ARHGEF7: variants seen among roughly 807,000 people sequenced by gnomAD.
ARHGEF7 encodes the protein PAK-interacting exchange factor beta.
A neutral mutation model predicts 109.8 loss-of-function variants in ARHGEF7; 33 were observed. That is an observed-to-expected ratio of 0.30 (90% CI 0.23 to 0.40). ARHGEF7 has a LOEUF of 0.40. Ranked by LOEUF, ARHGEF7 falls within the 10% of genes least tolerant of loss-of-function variation. The pLI is 1.00. For synonymous variants in ARHGEF7, 458 were observed against 424.6 expected, an observed-to-expected ratio of 1.08 and a Z score of -0.97; for missense variants, 938 against 1,098.5, an observed-to-expected ratio of 0.85 and a Z score of 2.07.
chr13:111,294,730 T>A, intron 19 of ARHGEF7: 1 of 985,508 alleles, frequency 1.0e-6, no homozygotes, highest in Non-Finnish European at 1.2e-6. Flanking sequence ...TCAGTCATGC[T>A]GATAATAGAA....
chr13:111,283,128 G>A lies in ARHGEF7; in HGVS notation c.1726-11G>A. ...ATGTTCTCTGCCCTTCCCGCTCTGT[G>A]CCCTTGGCAGCTCCCCTCCCACCCG... On this transcript the variant is annotated splice_polypyrimidine_tract_variant and intron_variant, in intron 15 of 21. Transcript: ENST00000646102. 6.4e-7 allele frequency: 1 copy of A among 1,574,426 alleles called. No homozygotes were observed. The highest frequency in any genetic ancestry group is 1.2e-5 in the South Asian group (1 of 85,780).
chr13:111,221,574 C>CATATCTATATATATCTATATATAGATAT (rs754536588), intron 5 of ARHGEF7, among the ~76,000 whole-genome samples: 1 of 95,838 alleles, frequency 1.0e-5, no homozygotes, highest in African/African-American at 3.9e-5. Flanking sequence ...TATATAGATA[C>CATATCTATATATATCTATATATAGATAT]ATATCTATAT....
intron 5 of ARHGEF7, among the ~76,000 whole-genome samples, chr13:111,224,947 A>G (rs980323576): frequency 6.6e-6 from 1 of 152,188 alleles, no homozygotes; most frequent in African/African-American, 2.4e-5. Flanking sequence ...TTGTTTTTAA[A>G]CAAGAGAGAA....
chr13:111,244,268 C>T lies in ARHGEF7; in HGVS notation c.924C>T (p.Leu308=), dbSNP rs767688172. 39 of 1,608,028 alleles carry T rather than the reference C, an allele frequency of 2.4e-5. No homozygotes were observed. The highest frequency in any genetic ancestry group is 1.8e-4 in the East Asian group (8 of 44,780). The part of the protein sequence containing the change: ...LEEICSFQQM[L]VQSLEECTKL... Reference sequence around the variant, plus strand: ...AAATATGTTCTTTCCAGCAAATGCTCGTACAGTCTTTAGAAGAATGCACCA... The same window carrying T: ...AAATATGTTCTTTCCAGCAAATGCTTGTACAGTCTTTAGAAGAATGCACCA... Residue 308 remains leucine, a synonymous_variant, in exon 8 of 22, where the codon CTC becomes CTT. Coordinates refer to ENST00000646102, the MANE Select transcript of ARHGEF7 (RefSeq NM_001354046.2).
chr13:111,231,594 G>A (rs2153523795), intron 5 of ARHGEF7, among the ~76,000 whole-genome samples: 1 of 152,350 alleles, frequency 6.6e-6, no homozygotes, highest in South Asian at 2.1e-4. Context: ...TCTGTTGCCA[G>A]AAGATGGTGC....
intron 1 of ARHGEF7, among the ~76,000 whole-genome samples, chr13:111,122,262 TTATA>T (rs2067248295): frequency 1.3e-5 from 2 of 152,116 alleles, no homozygotes; most frequent in Admixed American, 6.5e-5. Context: ...CAGGTTTCGC[TTATA>T]TAAAGTTTCA....
chr13:111,153,936 G>T lies in ARHGEF7; in HGVS notation c.197G>T (p.Cys66Phe). Residue 66 changes from cysteine to phenylalanine, a missense_variant, in exon 2 of 22, where the codon TGC becomes TTC. Transcript: ENST00000646102. ...CCCGAGCCCCGGAGCGAGAGCGAGT[G>T]CCTGAGCAACATCCGCGAGTTCCTG... ...VYPEPRSESE[C>F]LSNIREFLRG... 3 of 1,605,896 alleles carry T rather than the reference G, an allele frequency of 1.9e-6. No individual in the cohort carries two copies. The highest frequency in any genetic ancestry group is 2.5e-6 in the Non-Finnish European group (3 of 1,177,434).
At chr13:111,280,128 A>G in intron 13 of ARHGEF7, 144 bp from the exon 14 acceptor site, 1 of 769,756 alleles carries the variant, frequency 1.3e-6, no homozygotes, top group Non-Finnish European at 2.1e-6. Context: ...TTATACACAC[A>G]TCTGCTACAA....
intron 4 of ARHGEF7, among the ~76,000 whole-genome samples, chr13:111,213,767 C>A (rs1242184169): frequency 6.6e-6 from 1 of 152,120 alleles, no homozygotes; most frequent in Non-Finnish European, 1.5e-5. Context: ...GTGATGAAAT[C>A]CATCTCTTCC....
intron 8 of ARHGEF7, among the ~76,000 whole-genome samples, chr13:111,248,682 G>C (rs1400193995): frequency 6.6e-6 from 1 of 152,068 alleles, no homozygotes; most frequent in Admixed American, 6.5e-5. Context: ...TTCAGTTCTA[G>C]AATTTGTTTC....
At chr13:111,199,533 G>A (rs981632561) in intron 2 of ARHGEF7, among the ~76,000 whole-genome samples, 25 of 152,280 alleles carry the variant, frequency 1.6e-4, no homozygotes, top group South Asian at 4.1e-4. Flanking sequence ...GCCTTAGCCT[G>A]CCAGATGCTT....
intron 1 of ARHGEF7, among the ~76,000 whole-genome samples, chr13:111,134,016 T>C (rs544149804): frequency 1.6e-3 from 235 of 147,626 alleles, no homozygotes; most frequent in African/African-American, 5.5e-3. Flanking sequence ...AGTGTTCTCA[T>C]TGTTCAGTGA....
chr13:111,188,274 G>C (rs1055745253), intron 2 of ARHGEF7, among the ~76,000 whole-genome samples: 9 of 152,158 alleles, frequency 5.9e-5, no homozygotes, highest in African/African-American at 2.2e-4. Flanking sequence ...ACATCTCAAC[G>C]ACCTCCCCTG....
At chr13:111,188,032 AG>A (rs1367165374) in intron 2 of ARHGEF7, among the ~76,000 whole-genome samples, 3 of 152,148 alleles carry the variant, frequency 2.0e-5, no homozygotes, top group East Asian at 3.9e-4. Flanking sequence ...TTATGAACCG[AG>A]CACAGCCTGC....
At chr13:111,146,612 T>C (rs1219415361) in intron 1 of ARHGEF7, among the ~76,000 whole-genome samples, 3 of 152,236 alleles carry the variant, frequency 2.0e-5, no homozygotes, top group Non-Finnish European at 2.9e-5. Flanking sequence ...TGAACCTGTT[T>C]AATTATTTGC....
intron 1 of ARHGEF7, among the ~76,000 whole-genome samples, chr13:111,150,272 T>C (rs2075824093): frequency 6.6e-6 from 1 of 152,240 alleles, no homozygotes; most frequent in South Asian, 2.1e-4. Context: ...TTCCATGTCA[T>C]TGAAAATGTT....
At chr13:111,185,961 CGT>C (rs71127998) in intron 2 of ARHGEF7, among the ~76,000 whole-genome samples, 9,636 of 135,710 alleles carry the variant, frequency 0.071, 352 homozygotes, top group Non-Finnish European at 0.076. Context: ...TTTGGGAGCT[CGT>C]GTGTGTGTGT....
At chr13:111,217,086 A>G (rs953095705) in intron 4 of ARHGEF7, among the ~76,000 whole-genome samples, 1 of 152,212 alleles carries the variant, frequency 6.6e-6, no homozygotes, top group Non-Finnish European at 1.5e-5. Flanking sequence ...TTGGAGGACA[A>G]TTTAGAAAGA....
chr13:111,270,946 G>A (rs755939017), intron 9 of ARHGEF7, among the ~76,000 whole-genome samples: 3 of 152,202 alleles, frequency 2.0e-5, no homozygotes, highest in African/African-American at 7.2e-5. Context: ...AGAACTGGGC[G>A]GAGGGGAGGG....
Sources: allele counts gnomAD v4.1 joint callset (sites outside exome capture counted in the v4.1 genomes callset), GRCh38; gene constraint gnomAD v4.1.1; transcripts MANE v1.5; gene names NCBI Gene and HGNC (gene_info 2026-07-23, HGNC 2026-07-21).